The following NOS1 variants were observed in gnomAD, a reference collection of about 807,000 sequenced individuals.
NOS1 encodes NOS type I.
A neutral mutation model predicts 164.5 loss-of-function variants in NOS1; 51 were observed. The ratio of observed to expected loss-of-function variants is 0.31; its 90% CI spans 0.25 to 0.39. The LOEUF is 0.39. Ranked by LOEUF, NOS1 falls within the 10% of genes least tolerant of loss-of-function variation. The pLI is 1.00. For missense variants in NOS1, 1,362 were observed against 1,885.6 expected (o/e 0.72, Z 5.14); for synonymous variants, 719 against 745.8 (o/e 0.96, Z 0.59).
chr12:117,264,486 C>T (rs1301325864), intron 12 of NOS1, among the ~76,000 whole-genome samples: 1 of 150,220 alleles, frequency 6.7e-6, no homozygotes, highest in East Asian at 2.0e-4. Flanking sequence ...TCTTTCCTTT[C>T]TTTCTCTTTC....
At position 117,330,198 on chromosome 12, in the gene NOS1, C is replaced by T; in HGVS notation, c.725+147G>A. 3 of 1,260,722 alleles carry T rather than the reference C, an allele frequency of 2.4e-6. No individual in the cohort carries two copies. The highest frequency in any genetic ancestry group is 3.1e-6 in the Non-Finnish European group (3 of 961,670). 78.1% of individuals were successfully genotyped at this position (1,260,722 alleles called of 1,614,324 possible). A position where few individuals can be genotyped will look rare whatever the true frequency, so the allele number is the denominator to read the frequency against. On this transcript the variant is annotated intron_variant, in intron 2 of 28. Coordinates refer to ENST00000317775, the MANE Select transcript of NOS1 (RefSeq NM_000620.5). This position sits in a 1 kb window ranked among gnomAD's most constrained non-coding sequence, Gnocchi z 4.6. Reference sequence around the variant, plus strand: ...TAATTTTAAGTGAAGATCAAGGGGGCCGTCAAGTGGTTATGCAAAAACAGG... The same window carrying T: ...TAATTTTAAGTGAAGATCAAGGGGGTCGTCAAGTGGTTATGCAAAAACAGG...
chr12:117,260,728 G>C, intron 13 of NOS1, 119 bp from the exon 14 acceptor site: 1 of 1,079,814 alleles, frequency 9.3e-7, no homozygotes, highest in Non-Finnish European at 1.3e-6. Context: ...GAACTCTCTT[G>C]ATCTTTGATG....
chr12:117,228,923 C>T (rs746483939), intron 22 of NOS1, among the ~76,000 whole-genome samples: 1 of 151,892 alleles, frequency 6.6e-6, no homozygotes, highest in Non-Finnish European at 1.5e-5. Flanking sequence ...CTGGGACTAC[C>T]GGTGCCCGCC....
intron 3 of NOS1, among the ~76,000 whole-genome samples, chr12:117,304,114 G>GT (rs1874002554): frequency 1.3e-5 from 2 of 152,096 alleles, no homozygotes; most frequent in Admixed American, 1.3e-4. Flanking sequence ...GGAGCTTGCA[G>GT]TGAGCCGAGA....
chr12:117,275,675 G>A (rs1296213114), intron 9 of NOS1, among the ~76,000 whole-genome samples: 2 of 152,022 alleles, frequency 1.3e-5, no homozygotes, highest in Non-Finnish European at 2.9e-5. Flanking sequence ...AAGGATAAGC[G>A]TTTGAGACAA....
intron 17 of NOS1, among the ~76,000 whole-genome samples, chr12:117,247,837 T>G (rs896284019): frequency 1.3e-5 from 2 of 151,610 alleles, no homozygotes; most frequent in African/African-American, 4.9e-5. Flanking sequence ...TCCCAGCTAC[T>G]TTGGAGGCTG....
At chr12:117,283,227 A>T (rs1290548289) in intron 7 of NOS1, among the ~76,000 whole-genome samples, 1 of 151,250 alleles carries the variant, frequency 6.6e-6, no homozygotes, top group African/African-American at 2.4e-5. Context: ...CGTCCTACTA[A>T]TTTTTTGCAT....
intron 3 of NOS1, among the ~76,000 whole-genome samples, chr12:117,296,132 T>C (rs530689383): frequency 1.7e-4 from 26 of 152,292 alleles, no homozygotes; most frequent in African/African-American, 6.0e-4. Context: ...AGATAATACT[T>C]GTTTTCTGCC....
At chr12:117,231,889 AAC>A (rs1244200773) in intron 22 of NOS1, 71 bp downstream of exon 22, 2 of 1,457,662 alleles carry the variant, frequency 1.4e-6, no homozygotes, top group Non-Finnish European at 9.4e-7. Context: ...GCCTGGTAAT[AAC>A]AGTTTTCAAC....
At position 117,283,053 on chromosome 12, in the gene NOS1, TA is replaced by T. The variant is rs1158672473; in HGVS notation, c.1382+2187del. 1.8e-3 allele frequency among the ~76,000 whole-genome samples: 120 copies of T among 65,518 alleles called. 2 individuals carry two copies. The highest frequency in any genetic ancestry group is 8.3e-3 in the East Asian group (25 of 3,018). The allele number at this position is 65,518 out of a possible 152,430, so 43.0% of individuals were successfully genotyped here. A position where few individuals can be genotyped will look rare whatever the true frequency, so the allele number is the denominator to read the frequency against. On this transcript the variant is annotated intron_variant, in intron 7 of 28. Transcript: ENST00000317775. Reference sequence around the variant, plus strand: ...CTATAACATTATATATATATATATATATATTTTTTTTTTTTTTTTTGAGACA... The same window carrying T: ...CTATAACATTATATATATATATATATTATTTTTTTTTTTTTTTTTGAGACA...
chr12:117,290,722 G>A (rs1872995078), intron 3 of NOS1, among the ~76,000 whole-genome samples: 1 of 152,128 alleles, frequency 6.6e-6, no homozygotes. Context: ...CGGACACACT[G>A]AGGAAGGACT....
intron 8 of NOS1, among the ~76,000 whole-genome samples, chr12:117,279,059 C>T (rs1252720652): frequency 1.3e-5 from 2 of 151,588 alleles, no homozygotes; most frequent in Non-Finnish European, 2.9e-5. Flanking sequence ...CCTAATGTAT[C>T]CATATTATTA....
At chr12:117,215,418 C>A in intron 28 of NOS1, 94 bp from the exon 29 acceptor site, 2 of 1,351,366 alleles carry the variant, frequency 1.5e-6, no homozygotes, top group Non-Finnish European at 1.9e-6. Flanking sequence ...ATGCTCTGGG[C>A]TCAGGGGCTT....
chr12:117,209,582 GACCAGAA>G lies in NOS1; in HGVS notation c.*5720_*5726del. The G allele has an allele frequency of 1.0e-6, 1 of 985,494 alleles. No homozygotes were observed. The highest frequency in any genetic ancestry group is 1.2e-6 in the Non-Finnish European group (1 of 829,954). 61.0% of individuals were successfully genotyped at this position (985,494 alleles called of 1,614,324 possible). A position where few individuals can be genotyped will look rare whatever the true frequency, so the allele number is the denominator to read the frequency against. On this transcript the variant is annotated 3_prime_UTR_variant, in exon 29 of 29. Transcript: ENST00000317775. ...GGGCCAGACGGGCATAGCCCCGCTT[GACCAGAA>G]CTGTTTGGGTATTTTAGAACAAAAC...
At chr12:117,303,977 C>T (rs1030294918) in intron 3 of NOS1, among the ~76,000 whole-genome samples, 6 of 152,150 alleles carry the variant, frequency 3.9e-5, no homozygotes, top group Admixed American at 1.3e-4. Context: ...TTGAGACCAT[C>T]CTGGCTAACT....
intron 22 of NOS1, among the ~76,000 whole-genome samples, chr12:117,228,243 A>G (rs1042817362): frequency 1.3e-5 from 2 of 152,312 alleles, no homozygotes; most frequent in East Asian, 1.9e-4. Flanking sequence ...CCCATTTTAT[A>G]GATGAGGAAA....
At chr12:117,257,437 T>C (rs1411444324) in intron 16 of NOS1, among the ~76,000 whole-genome samples, 1 of 152,128 alleles carries the variant, frequency 6.6e-6, no homozygotes, top group Non-Finnish European at 1.5e-5. Flanking sequence ...CCTTTAGAAC[T>C]CAATCCCACA....
At chr12:117,258,362 G>C in intron 16 of NOS1, 35 bp downstream of exon 16, 1 of 1,607,478 alleles carries the variant, frequency 6.2e-7, no homozygotes, top group Non-Finnish European at 8.5e-7. Context: ...TACCCTCGGG[G>C]GTGGCGGGTG....
At chr12:117,225,996 G>T (rs937172177) in intron 24 of NOS1, among the ~76,000 whole-genome samples, 5 of 152,162 alleles carry the variant, frequency 3.3e-5, no homozygotes, top group African/African-American at 1.2e-4. Flanking sequence ...GTGTGTAAAA[G>T]AATCACCTGG....
Sources: allele counts gnomAD v4.1 joint callset (sites outside exome capture counted in the v4.1 genomes callset), GRCh38; gene constraint gnomAD v4.1.1; non-coding constraint Gnocchi (gnomAD v3.1); transcripts MANE v1.5; gene names NCBI Gene and HGNC (gene_info 2026-07-23, HGNC 2026-07-21).